Variants in PRKD3 observed in about 807,000 individuals in gnomAD.
The protein encoded by PRKD3 is serine/threonine-protein kinase D3.
PRKD3 carries 47 observed loss-of-function variants against 99.2 expected under a neutral mutation model. The observed-to-expected ratio is 0.47, with a 90% CI of 0.38 to 0.60. PRKD3 has a LOEUF of 0.60. PRKD3 is among the 20% of genes least tolerant of loss of function. The pLI is 0.00. For missense variants in PRKD3, 1,019 were observed against 1,088.4 expected (o/e 0.94, Z 0.90); for synonymous variants, 392 against 355.4 (o/e 1.10, Z -1.16).
chr2:37,286,726 G>C (rs1235073335), intron 5 of PRKD3, among the ~76,000 whole-genome samples: 1 of 152,098 alleles, frequency 6.6e-6, no homozygotes, highest in Admixed American at 6.5e-5. Context: ...TACTGAATGT[G>C]ACATCTGAAT....
chr2:37,264,559 G>C (rs1668698919), intron 14 of PRKD3, among the ~76,000 whole-genome samples: 1 of 152,146 alleles, frequency 6.6e-6, no homozygotes, highest in South Asian at 2.1e-4. Flanking sequence ...ATAGAATGTG[G>C]AGGCTTCATT....
intron 2 of PRKD3, among the ~76,000 whole-genome samples, chr2:37,301,306 G>C (rs1355365101): frequency 6.6e-6 from 1 of 151,760 alleles, no homozygotes; most frequent in East Asian, 1.9e-4. Flanking sequence ...GAGCTTTTAA[G>C]ATAATAGCTT....
chr2:37,314,683 T>A (rs1387506242), intron 2 of PRKD3, among the ~76,000 whole-genome samples: 1 of 152,008 alleles, frequency 6.6e-6, no homozygotes, highest in African/African-American at 2.4e-5. Flanking sequence ...AACTAAATCA[T>A]AGAGAGTCAT....
At chr2:37,290,311 C>T (rs1441228681) in intron 4 of PRKD3, among the ~76,000 whole-genome samples, 1 of 152,196 alleles carries the variant, frequency 6.6e-6, no homozygotes, top group East Asian at 1.9e-4. Flanking sequence ...TCCCTGCAAC[C>T]TCCGTCACCC....
At chr2:37,257,906 A>AT (rs1201105324) in intron 16 of PRKD3, among the ~76,000 whole-genome samples, 3 of 152,108 alleles carry the variant, frequency 2.0e-5, no homozygotes, top group African/African-American at 7.2e-5. Context: ...AGATGTTTAG[A>AT]TTTGAAAACA....
rs769237747 is a variant in PRKD3 at position 37,277,996 on chromosome 2, A to G, written c.1173-7T>C. Reference sequence around the variant, plus strand: ...ATTATTGCTTGTTGATGGACTAAAAAATATTTAAAATTTGTAAGTTTGTGT... The same window carrying G: ...ATTATTGCTTGTTGATGGACTAAAAGATATTTAAAATTTGTAAGTTTGTGT... On this transcript the variant is annotated splice_polypyrimidine_tract_variant and splice_region_variant and intron_variant, in intron 8 of 18. Coordinates refer to ENST00000234179, the MANE Select transcript of PRKD3 (RefSeq NM_005813.6). 8.8e-6 allele frequency: 14 copies of G among 1,590,500 alleles called. 1 individual carries two copies. The South Asian group carries it at 1.4e-4, about 16-fold the overall frequency.
At chr2:37,262,374 G>C (rs1668530261) in intron 14 of PRKD3, among the ~76,000 whole-genome samples, 1 of 152,140 alleles carries the variant, frequency 6.6e-6, no homozygotes, top group African/African-American at 2.4e-5. Flanking sequence ...GATTGTTTCA[G>C]TTATTTTAGC....
In PRKD3 at chr2:37,250,945, A is replaced by C. The variant is rs1178243751; in HGVS notation, c.*2232T>G. ...CAGATTCTCTGACAGTGCCTTTACA[A>C]AATTTTTAGAAAACTTCTTAGGCAT... On this transcript the variant is annotated 3_prime_UTR_variant, in exon 19 of 19. Coordinates refer to ENST00000234179, the MANE Select transcript of PRKD3 (RefSeq NM_005813.6). The C allele has an allele frequency of 6.6e-6, 1 of 152,646 alleles. No homozygotes were observed. The highest frequency in any genetic ancestry group is 1.5e-5 in the Non-Finnish European group (1 of 68,030). 9.5% of individuals were successfully genotyped at this position (152,646 alleles called of 1,614,324 possible).
At chr2:37,318,705 T>C (rs1271224373) in intron 1 of PRKD3, among the ~76,000 whole-genome samples, 2 of 152,206 alleles carry the variant, frequency 1.3e-5, no homozygotes, top group Admixed American at 6.5e-5. Context: ...ATAACAACTT[T>C]ACATGAGTTT....
rs1667483913 is a variant in PRKD3, at chr2:37,251,447, T to C, written c.*1730A>G. The C allele has an allele frequency of 1.3e-5, 2 of 152,544 alleles. No individual in the cohort carries two copies. The highest frequency in any genetic ancestry group is 4.8e-5 in the African/African-American group (2 of 41,412). 9.4% of individuals were successfully genotyped at this position (152,544 alleles called of 1,614,324 possible). On this transcript the variant is annotated 3_prime_UTR_variant, in exon 19 of 19. Transcript: ENST00000234179. ...TCTTTAAGATGAAGCTCATAATGAC[T>C]TAACACTATGGCTGCTGTGAGGGTA...
In PRKD3 at chr2:37,253,067, T is replaced by C. The variant is rs934667684; in HGVS notation, c.*110A>G. The C allele has an allele frequency of 3.5e-6, 4 of 1,150,186 alleles. No individual in the cohort carries two copies. Among genetic ancestry groups the C allele is most frequent in the Non-Finnish European group, 4.8e-6 (4 of 828,164 alleles). The allele number at this position is 1,150,186 out of a possible 1,614,324, so 71.2% of individuals were successfully genotyped here. On this transcript the variant is annotated 3_prime_UTR_variant, in exon 19 of 19. Coordinates refer to ENST00000234179, the MANE Select transcript of PRKD3 (RefSeq NM_005813.6). ...CTGGTGTCACTTATTCGTTATCATA[T>C]TTCTTCATATCTTTGCAGCACTGCA... is the stretch of plus-strand genomic sequence containing the variant.
In PRKD3 at chr2:37,316,458, G is replaced by A; in HGVS notation, c.67C>T (p.Leu23Phe). 1 of 1,614,240 alleles carries A rather than the reference G, an allele frequency of 6.2e-7. No individual in the cohort carries two copies. The highest frequency in any genetic ancestry group is 8.5e-7 in the Non-Finnish European group (1 of 1,180,028). Residue 23 changes from leucine to phenylalanine, a missense_variant, in exon 2 of 19, where the codon CTT (leucine) becomes TTT (phenylalanine). Around this residue, in one of 3 missense-constraint regions of PRKD3, gnomAD observed 710 missense variants for 692.7 expected, o/e 1.02. Coordinates refer to ENST00000234179, the MANE Select transcript of PRKD3 (RefSeq NM_005813.6). ...CTTGAACACGGAGAAGCAGCTGGAAGCACAGCAGGAATAGCTGTGGGTAAT... is the reference window on the plus strand; with the variant it reads ...CTTGAACACGGAGAAGCAGCTGGAAACACAGCAGGAATAGCTGTGGGTAAT... ...SVLPTAIPAV[L>F]PAASPCSSPK...
At chr2:37,295,431 T>A (rs1480787529) in intron 2 of PRKD3, among the ~76,000 whole-genome samples, 2 of 151,964 alleles carry the variant, frequency 1.3e-5, no homozygotes, top group East Asian at 3.9e-4. Context: ...CAATGAGAAG[T>A]TACAAGGTAA....
chr2:37,298,959 A>AT (rs771982034), intron 2 of PRKD3, among the ~76,000 whole-genome samples: 7 of 151,954 alleles, frequency 4.6e-5, no homozygotes, highest in Non-Finnish European at 8.8e-5. Context: ...TTCCAGTATT[A>AT]TGTTGAACAA....
chr2:37,266,790 A>G (rs1416339293), intron 14 of PRKD3, among the ~76,000 whole-genome samples: 1 of 152,114 alleles, frequency 6.6e-6, no homozygotes, highest in Non-Finnish European at 1.5e-5. Flanking sequence ...ACCTGGCCAG[A>G]ATGAGCTATT....
chr2:37,268,784 C>A, intron 13 of PRKD3: 1 of 154,712 alleles, frequency 6.5e-6, no homozygotes. Flanking sequence ...GAGGAAGCTG[C>A]AATTAGATCT....
rs770781814 is a variant in PRKD3 at position 37,274,621 on chromosome 2, T to C, written c.1451A>G (p.His484Arg). Residue 484 changes from histidine to arginine, a missense_variant, in exon 11 of 19, where the codon CAC becomes CGC. Physicochemically the swap from His to Arg is conservative, Grantham distance 29. Transcript: ENST00000234179. ...AGTATCAGTAATGATTTCAAAACAG[T>C]GTGGATTGCTGCCTTGTGAAATGTT... ...FTNISQGSNP[H>R]CFEIITDTMV... The C allele has an allele frequency of 6.8e-6, 11 of 1,613,898 alleles. No individual in the cohort carries two copies. The Admixed American group carries it at 1.3e-4, about 20-fold the overall frequency.
At chr2:37,290,357 C>T (rs1439948393) in intron 4 of PRKD3, among the ~76,000 whole-genome samples, 1 of 152,048 alleles carries the variant, frequency 6.6e-6, no homozygotes, top group Non-Finnish European at 1.5e-5. Context: ...CCCAGCCTCC[C>T]GAGTAGCTGG....
At chr2:37,310,351 A>G (rs1252888903) in intron 2 of PRKD3, among the ~76,000 whole-genome samples, 2 of 152,212 alleles carry the variant, frequency 1.3e-5, no homozygotes, top group Non-Finnish European at 2.9e-5. Flanking sequence ...TGGGCTAAGC[A>G]TTTTAGAAAC....
Sources: allele counts gnomAD v4.1 joint callset (sites outside exome capture counted in the v4.1 genomes callset), GRCh38; gene constraint gnomAD v4.1.1; regional missense constraint gnomAD v4.1.1; transcripts MANE v1.5; gene names NCBI Gene and HGNC (gene_info 2026-07-23, HGNC 2026-07-21).